The following RAB26 variants were observed in gnomAD, a reference collection of about 807,000 sequenced individuals.
RAB26 encodes RAB26, member RAS oncogene family.
RAB26 carries 39 observed loss-of-function variants against 33.1 expected under a neutral mutation model. The observed-to-expected ratio is 1.18, with a 90% CI of 0.91 to 1.54. RAB26 has a LOEUF of 1.54. RAB26 is among the 40% of genes most tolerant of loss of function. The pLI is 0.00. For missense variants in RAB26, 468 were observed against 362.9 expected, an observed-to-expected ratio of 1.29 and a Z score of -2.35; for synonymous variants, 192 against 151.9, an observed-to-expected ratio of 1.26 and a Z score of -1.94.
At chr16:2,149,025 G>A (rs2092995794) in intron 1 of RAB26, 47 bp downstream of exon 1, 2 of 1,258,404 alleles carry the variant, frequency 1.6e-6, no homozygotes, top group Non-Finnish European at 1.0e-6. Flanking sequence ...GGTGGCGCCC[G>A]GCCTGAGCCA....
chr16:2,151,685 G>A lies in RAB26; in HGVS notation c.349-10G>A. ...GGGCTGGACAGCCTGACCAGTGCCT[G>A]TCGCTGCAGATGTGGGACACAGCTG... On this transcript the variant is annotated splice_polypyrimidine_tract_variant and intron_variant, in intron 3 of 8. Transcript: ENST00000210187. 6.2e-7 allele frequency: 1 copy of A among 1,613,990 alleles called. No homozygotes were observed. Among genetic ancestry groups the A allele is most frequent in the Non-Finnish European group, 8.5e-7 (1 of 1,180,008 alleles).
In RAB26 at chr16:2,148,821, G is replaced by T; in HGVS notation, c.38G>T (p.Ser13Ile). Reference sequence around the variant, plus strand: ...AAGACCCCCAAGAGCAAAGGGGCCAGCACCCCCGCTGCCTCCACGCTGCCC... The same window carrying T: ...AAGACCCCCAAGAGCAAAGGGGCCATCACCCCCGCTGCCTCCACGCTGCCC... ...RKKTPKSKGA[S>I]TPAASTLPTA... The change falls in exon 1 of 9, where the codon AGC (serine) becomes ATC (isoleucine). Residue 13 changes from serine to isoleucine, a missense_variant. Coordinates refer to ENST00000210187, the MANE Select transcript of RAB26 (RefSeq NM_014353.5). The T allele has an allele frequency of 7.1e-7, 1 of 1,415,146 alleles. No homozygotes were observed. 87.7% of individuals were successfully genotyped at this position (1,415,146 alleles called of 1,614,324 possible). A position where few individuals can be genotyped will look rare whatever the true frequency, so the allele number is the denominator to read the frequency against.
intron 2 of RAB26, 87 bp from the exon 3 acceptor site, chr16:2,151,482 T>C (rs1596657422): frequency 6.3e-7 from 1 of 1,588,722 alleles, no homozygotes; most frequent in Admixed American, 1.7e-5. Flanking sequence ...AGCTGGGAGG[T>C]CTCAGGGGAC....
rs2092995713 is a variant in RAB26 at position 2,148,995 on chromosome 16, C to G, written c.195+17C>G. 1.6e-6 allele frequency: 2 copies of G among 1,270,722 alleles called. No homozygotes were observed. The highest frequency in any genetic ancestry group is 2.0e-6 in the Non-Finnish European group (2 of 1,007,944). 78.7% of individuals were successfully genotyped at this position (1,270,722 alleles called of 1,614,324 possible). On this transcript the variant is annotated intron_variant, in intron 1 of 8. Transcript: ENST00000210187. ...GCCTTCAAGGTGAGCCAGGCACCCG[C>G]CCCCCAGGCCAGCGCAGCAGGTGGC...
chr16:2,150,843 A>C (rs888028787), intron 2 of RAB26, among the ~76,000 whole-genome samples: 16 of 152,160 alleles, frequency 1.1e-4, no homozygotes, highest in African/African-American at 3.6e-4. Context: ...GGTTCCCGGG[A>C]GACCCAGAAG....
In RAB26 at chr16:2,153,568, C is replaced by A; in HGVS notation, c.*147C>A. ...GCCCCAGGTCAAGCCTTGTCCCTTC[C>A]TCCTCCCAGCAACAGTCCCAACAAG... On this transcript the variant is annotated 3_prime_UTR_variant, in exon 9 of 9. Transcript: ENST00000210187. The A allele has an allele frequency of 1.4e-6, 1 of 726,656 alleles. No individual in the cohort carries two copies. Among genetic ancestry groups the A allele is most frequent in the Non-Finnish European group, 2.3e-6 (1 of 432,950 alleles). The allele number at this position is 726,656 out of a possible 1,614,324, so 45.0% of individuals were successfully genotyped here.
At position 2,153,470 on chromosome 16, in the gene RAB26, G is replaced by A. The variant is rs2093014143; in HGVS notation, c.*49G>A. 13 of 1,564,456 alleles carry A rather than the reference G, an allele frequency of 8.3e-6. No individual in the cohort carries two copies. Among genetic ancestry groups the A allele is most frequent in the Non-Finnish European group, 8.8e-6 (10 of 1,138,712 alleles). On this transcript the variant is annotated 3_prime_UTR_variant, in exon 9 of 9. Coordinates refer to ENST00000210187, the MANE Select transcript of RAB26 (RefSeq NM_014353.5). ...GAGGAAGCCGTCCAGTCCCTAGAAG[G>A]CTGGACAGAGGGTCTCCAGGCCCTT...
In RAB26 at chr16:2,152,832, G is replaced by T; in HGVS notation, c.481G>T (p.Glu161Ter). Residue 161 changes from glutamate (E) to a stop codon, truncating the protein, a stop_gained, in exon 6 of 9, where the codon GAG (glutamate) becomes TAG (stop). Transcript: ENST00000210187. LOFTEE classifies it high-confidence loss of function. The part of the protein sequence containing the change: ...SFDNIQAWLT[E>*]IHEYAQHDVA... ...CTGCCTCCCACAGGCCTGGCTGACC[G>T]AGATCCACGAGTACGCCCAGCACGA... The T allele has an allele frequency of 6.2e-7, 1 of 1,606,682 alleles. No homozygotes were observed. Among genetic ancestry groups the T allele is most frequent in the South Asian group, 1.1e-5 (1 of 90,368 alleles).
chr16:2,148,635 G>GCCCA lies in RAB26; in HGVS notation c.-149_-148insCCCA. 1 of 473,728 alleles carries GCCCA rather than the reference G, an allele frequency of 2.1e-6. No individual in the cohort carries two copies. The highest frequency in any genetic ancestry group is 2.7e-6 in the Non-Finnish European group (1 of 364,776). 29.3% of individuals were successfully genotyped at this position (473,728 alleles called of 1,614,324 possible). A position where few individuals can be genotyped will look rare whatever the true frequency, so the allele number is the denominator to read the frequency against. ...AGCGGCGGGGGCGGGGCGCGAGCCG[G>GCCCA]GCGCCCGGGATGATGCCGCCGCCGC... On this transcript the variant is annotated 5_prime_UTR_variant, in exon 1 of 9. Coordinates refer to ENST00000210187, the MANE Select transcript of RAB26 (RefSeq NM_014353.5).
chr16:2,151,227 T>TTA (rs1473778983), intron 2 of RAB26: 6 of 515,044 alleles, frequency 1.2e-5, no homozygotes, highest in South Asian at 7.9e-5. Context: ...GTCTTTCAAA[T>TTA]TAGCAAAAAG....
At chr16:2,152,394 G>A (rs893504653) in intron 5 of RAB26, among the ~76,000 whole-genome samples, 2 of 152,016 alleles carry the variant, frequency 1.3e-5, no homozygotes, top group South Asian at 2.1e-4. Context: ...AAAATGGGCT[G>A]GGCATGGTGG....
At position 2,153,682 on chromosome 16, in the gene RAB26, T is replaced by C; in HGVS notation, c.*261T>C. The C allele has an allele frequency of 1.6e-6, 1 of 631,520 alleles. No individual in the cohort carries two copies. Among genetic ancestry groups the C allele is most frequent in the Non-Finnish European group, 2.9e-6 (1 of 340,480 alleles). The allele number at this position is 631,520 out of a possible 1,614,324, so 39.1% of individuals were successfully genotyped here. A position where few individuals can be genotyped will look rare whatever the true frequency, so the allele number is the denominator to read the frequency against. On this transcript the variant is annotated 3_prime_UTR_variant, in exon 9 of 9. Transcript: ENST00000210187. ...CGGGGAGCGGCAAGTGGACAGACTT[T>C]GCCACGGTGCTCTGCTGCCCCCTCC... is the stretch of plus-strand genomic sequence containing the variant.
Position 2,151,559 on chromosome 16 carries a change from T to G in RAB26, c.307-10T>G. 1 of 1,613,680 alleles carries G rather than the reference T, an allele frequency of 6.2e-7. No individual in the cohort carries two copies. The highest frequency in any genetic ancestry group is 8.5e-7 in the Non-Finnish European group (1 of 1,180,000). On this transcript the variant is annotated splice_polypyrimidine_tract_variant and intron_variant, in intron 2 of 8. Coordinates refer to ENST00000210187, the MANE Select transcript of RAB26 (RefSeq NM_014353.5). ...CCCATGCCAGAGCTGCCTGGTTCTG[T>G]CTGTTTCAGAACAAAGTTCTGGACG...
At chr16:2,151,643 CAG>C (rs1234640398) in intron 3 of RAB26, 33 bp downstream of exon 3, 5 of 1,614,008 alleles carry the variant, frequency 3.1e-6, no homozygotes, top group South Asian at 1.1e-5. Flanking sequence ...AGTTGGGGGA[CAG>C]GGGACACCAG....
chr16:2,148,672 CCGCCGCCGCCA>C lies in RAB26; in HGVS notation c.-111_-101del. On this transcript the variant is annotated 5_prime_UTR_variant, in exon 1 of 9. The change abolishes the stop of an existing upstream ORF in the 5' untranslated region. Coordinates refer to ENST00000210187, the MANE Select transcript of RAB26 (RefSeq NM_014353.5). ...GATGCCGCCGCCGCCGCCGCCGCCG[CCGCCGCCGCCA>C]GGGGAAGGGTTCGGGTCCGGGTCGG... is the stretch of plus-strand genomic sequence containing the variant. 1 of 1,023,376 alleles carries C rather than the reference CCGCCGCCGCCA, an allele frequency of 9.8e-7. No individual in the cohort carries two copies. Among genetic ancestry groups the C allele is most frequent in the Non-Finnish European group, 1.2e-6 (1 of 823,472 alleles). 63.4% of individuals were successfully genotyped at this position (1,023,376 alleles called of 1,614,324 possible).
At position 2,151,672 on chromosome 16, in the gene RAB26, C is replaced by G. The variant is rs772471792; in HGVS notation, c.349-23C>G. On this transcript the variant is annotated intron_variant, in intron 3 of 8. Transcript: ENST00000210187. ...GGACACCAGGGAAGGGCTGGACAGC[C>G]TGACCAGTGCCTGTCGCTGCAGATG... The G allele has an allele frequency of 5.6e-6, 9 of 1,613,896 alleles. No homozygotes were observed. In the South Asian group the frequency reaches 9.9e-5, roughly 18 times the overall value.
At chr16:2,152,716 AG>A (rs1254373018) in intron 5 of RAB26, 103 bp from the exon 6 acceptor site, 22 of 748,082 alleles carry the variant, frequency 2.9e-5, no homozygotes, top group African/African-American at 7.5e-5. Context: ...AAAAAAAAAA[AG>A]ATAAAGACAG....
chr16:2,153,069 G>C, intron 7 of RAB26, 24 bp downstream of exon 7: 1 of 1,611,794 alleles, frequency 6.2e-7, no homozygotes, highest in Non-Finnish European at 8.5e-7. Context: ...GGGGGGTGGT[G>C]AGGGGGTGCC....
rs1266248901 is a variant in RAB26 at position 2,150,063 on chromosome 16, C to T, written c.306+12C>T. ...GCATTGACTTCCGGGTGAGTGGAGG[C>T]CCTGGCCTGGCCCCACATCAGAGTC... is the stretch of plus-strand genomic sequence containing the variant. On this transcript the variant is annotated intron_variant, in intron 2 of 8. Coordinates refer to ENST00000210187, the MANE Select transcript of RAB26 (RefSeq NM_014353.5). 1 of 1,535,276 alleles carries T rather than the reference C, an allele frequency of 6.5e-7. No individual in the cohort carries two copies. The highest frequency in any genetic ancestry group is 2.5e-5 in the East Asian group (1 of 39,278).
Sources: gnomAD v4.1 joint callset for allele counts (sites outside exome capture counted in the v4.1 genomes callset) on GRCh38, gnomAD v4.1.1 for gene constraint, MANE v1.5 for transcripts, NCBI Gene and HGNC (gene_info 2026-07-23, HGNC 2026-07-21) for gene names.